DTNA: variants seen among roughly 807,000 people sequenced by gnomAD.
The protein encoded by DTNA is dystrophin-related protein 3.
DTNA carries 43 observed loss-of-function variants against 100.7 expected under a neutral mutation model. The ratio of observed to expected loss-of-function variants is 0.43; its 90% CI spans 0.33 to 0.55. The LOEUF (loss-of-function observed/expected upper bound fraction) is 0.55. Among genes scored for constraint, DTNA ranks in the 20% least tolerant of loss-of-function variants. The probability of loss-of-function intolerance (pLI) is 0.04; values close to 1 mark genes in which losing one functional copy is unlikely to be tolerated. For synonymous variants in DTNA, 349 were observed against 347.9 expected (o/e 1.00, Z -0.04); for missense variants, 798 against 953.9 (o/e 0.84, Z 2.15).
intron 1 of DTNA, among the ~76,000 whole-genome samples, chr18:34,585,606 AAGAG>A (rs775980096): frequency 5.3e-4 from 80 of 152,186 alleles, no homozygotes; most frequent in Non-Finnish European, 7.6e-4. Context: ...GGAAAGAAGA[AAGAG>A]AGAGAGATAG....
chr18:34,863,448 C>A (rs1376670863), intron 16 of DTNA, among the ~76,000 whole-genome samples: 1 of 152,212 alleles, frequency 6.6e-6, no homozygotes, highest in African/African-American at 2.4e-5. Context: ...TGGATTGTAT[C>A]TACGTGCTGT....
In DTNA at chr18:34,890,394, G is replaced by A; in HGVS notation, c.*2660G>A. 3.9e-6 allele frequency: 6 copies of A among 1,536,084 alleles called. No homozygotes were observed. Among genetic ancestry groups the A allele is most frequent in the Non-Finnish European group, 4.4e-6 (5 of 1,146,900 alleles). ...TTTTGGGGTTTTGTGTTTTTTGGTG[G>A]GTTTCTTTCCTTGGCTCTCCAGATT... On this transcript the variant is annotated 3_prime_UTR_variant, in exon 23 of 23. Coordinates refer to ENST00000444659, the MANE Select transcript of DTNA (RefSeq NM_001386795.1).
At chr18:34,555,767 A>C (rs2045964687) in intron 1 of DTNA, among the ~76,000 whole-genome samples, 1 of 152,056 alleles carries the variant, frequency 6.6e-6, no homozygotes, top group South Asian at 2.1e-4. Flanking sequence ...CTGTTCTTTT[A>C]CATTTGCTGA....
intron 1 of DTNA, among the ~76,000 whole-genome samples, chr18:34,690,354 C>T (rs183302798): frequency 6.6e-6 from 1 of 152,332 alleles, no homozygotes; most frequent in Non-Finnish European, 1.5e-5. Context: ...TCCCTCATGG[C>T]AAGTTCCTCA....
At chr18:34,809,869 C>A (rs369829944) in intron 5 of DTNA, among the ~76,000 whole-genome samples, 1 of 152,172 alleles carries the variant, frequency 6.6e-6, no homozygotes, top group African/African-American at 2.4e-5. Context: ...GGGCACCATT[C>A]AGTGGTAGGG....
At chr18:34,823,322 G>A (rs1378154863) in intron 9 of DTNA, among the ~76,000 whole-genome samples, 4 of 152,104 alleles carry the variant, frequency 2.6e-5, no homozygotes, top group Non-Finnish European at 5.9e-5. Context: ...TCTTCCAAAT[G>A]TATGTAAATA....
At chr18:34,565,904 G>A (rs1379473314) in intron 1 of DTNA, among the ~76,000 whole-genome samples, 1 of 152,220 alleles carries the variant, frequency 6.6e-6, no homozygotes. Flanking sequence ...TCGGGTTTGA[G>A]GAGAGAGGGA....
intron 1 of DTNA, among the ~76,000 whole-genome samples, chr18:34,609,990 C>T (rs144814056): frequency 6.6e-6 from 1 of 151,940 alleles, no homozygotes; most frequent in Admixed American, 6.6e-5. Context: ...TAGCGATATC[C>T]TCTTATCCTC....
chr18:34,838,011 T>C, intron 11 of DTNA, 83 bp from the exon 12 acceptor site: 1 of 1,205,108 alleles, frequency 8.3e-7, no homozygotes, highest in Middle Eastern at 1.9e-4. Flanking sequence ...GGATCTAGAC[T>C]TGGGAGTGTC....
At chr18:34,530,887 A>C (rs2043073462) in intron 1 of DTNA, among the ~76,000 whole-genome samples, 1 of 152,150 alleles carries the variant, frequency 6.6e-6, no homozygotes, top group African/African-American at 2.4e-5. Flanking sequence ...AGAAAATATC[A>C]GGGAATGCTT....
In DTNA at chr18:34,890,496, G is replaced by A. The variant is rs1420113920; in HGVS notation, c.*2762G>A. 15 of 1,532,646 alleles carry A rather than the reference G, an allele frequency of 9.8e-6. No individual in the cohort carries two copies. Among genetic ancestry groups the A allele is most frequent in the African/African-American group, 2.8e-5 (2 of 72,710 alleles). The allele number at this position is 1,532,646 out of a possible 1,614,324, so 94.9% of individuals were successfully genotyped here. A position where few individuals can be genotyped will look rare whatever the true frequency, so the allele number is the denominator to read the frequency against. On this transcript the variant is annotated 3_prime_UTR_variant, in exon 23 of 23. Transcript: ENST00000444659. ...TCCATTAGATACAACTACATCTTGC[G>A]GGGGTTGTTTCTTTCTTGTTCCACA... is the stretch of plus-strand genomic sequence containing the variant.
intron 1 of DTNA, chr18:34,593,275 A>G (rs1187195279): frequency 6.6e-6 from 1 of 152,264 alleles, no homozygotes; most frequent in Non-Finnish European, 1.5e-5. Context: ...AGCTTACCAA[A>G]GGCATCTGCC....
At chr18:34,692,619 T>C (rs952661884) in intron 1 of DTNA, among the ~76,000 whole-genome samples, 5 of 152,230 alleles carry the variant, frequency 3.3e-5, no homozygotes, top group African/African-American at 1.2e-4. Context: ...TCTTTACTCA[T>C]TGGCAAATAA....
intron 1 of DTNA, among the ~76,000 whole-genome samples, chr18:34,563,902 T>C (rs2046856548): frequency 6.6e-6 from 1 of 152,230 alleles, no homozygotes; most frequent in Non-Finnish European, 1.5e-5. Context: ...CAGTTCATTC[T>C]ATCCTTACAC....
At chr18:34,686,587 G>C (rs1169561244) in intron 1 of DTNA, among the ~76,000 whole-genome samples, 1 of 152,238 alleles carries the variant, frequency 6.6e-6, no homozygotes, top group Non-Finnish European at 1.5e-5. Flanking sequence ...AGGAATATTG[G>C]CCTGAAATTT....
intron 17 of DTNA, among the ~76,000 whole-genome samples, chr18:34,870,025 C>CA (rs904053192): frequency 4.6e-5 from 7 of 151,234 alleles, no homozygotes; most frequent in African/African-American, 9.7e-5. Flanking sequence ...GACTCCGTCT[C>CA]AAAAAAAAGG....
At chr18:34,739,933 A>T (rs547648846) in intron 1 of DTNA, among the ~76,000 whole-genome samples, 1 of 152,246 alleles carries the variant, frequency 6.6e-6, no homozygotes, top group East Asian at 1.9e-4. Context: ...CTGACGTGTT[A>T]TGCAGGTCTG....
chr18:34,639,654 G>A (rs893519577), intron 1 of DTNA, among the ~76,000 whole-genome samples: 7 of 152,112 alleles, frequency 4.6e-5, no homozygotes, highest in Admixed American at 4.6e-4. Context: ...GGCCTACTTC[G>A]ATTATAGCTC....
At chr18:34,884,613 ACTCT>A (rs1270794738) in intron 21 of DTNA, 111 bp from the exon 22 acceptor site, 5 of 1,097,728 alleles carry the variant, frequency 4.6e-6, no homozygotes, top group South Asian at 2.5e-5. Flanking sequence ...CACTCAATAG[ACTCT>A]CTCTCTCTCT....
Sources: gnomAD v4.1 joint callset for allele counts (sites outside exome capture counted in the v4.1 genomes callset) on GRCh38, gnomAD v4.1.1 for gene constraint, MANE v1.5 for transcripts, NCBI Gene and HGNC (gene_info 2026-07-23, HGNC 2026-07-21) for gene names.